The following TET3 variants were observed in gnomAD, a reference collection of about 807,000 sequenced individuals.
The protein encoded by TET3 is methylcytosine dioxygenase TET3.
TET3 carries 19 observed loss-of-function variants against 141.4 expected under a neutral mutation model. The observed-to-expected ratio is 0.13, with a 90% confidence interval of 0.09 to 0.20. The LOEUF is 0.20. TET3 is among the 10% of genes least tolerant of loss of function. The pLI is 1.00. For synonymous variants in TET3, 1,043 were observed against 980.9 expected, an observed-to-expected ratio of 1.06 and a Z score of -1.18; for missense variants, 1,874 against 2,356.9, an observed-to-expected ratio of 0.80 and a Z score of 4.24.
intron 3 of TET3, among the ~76,000 whole-genome samples, chr2:74,020,716 A>G (rs150734048): frequency 1.8e-3 from 269 of 152,332 alleles, no homozygotes; most frequent in Non-Finnish European, 3.0e-3. Flanking sequence ...CTTGAGGGCT[A>G]TGCCCTTGGA....
chr2:74,003,720 T>A (rs964472780), intron 3 of TET3, among the ~76,000 whole-genome samples: 1 of 151,524 alleles, frequency 6.6e-6, no homozygotes, highest in Admixed American at 6.6e-5. Flanking sequence ...TGATGCAACA[T>A]CATGACTGGG....
At chr2:74,122,939 C>T in the TET3 span, 2 of 151,898 alleles carry the variant, frequency 1.3e-5, no homozygotes. Flanking sequence ...AACGATCCAC[C>T]CACCTTGGCC....
intron 5 of TET3, among the ~76,000 whole-genome samples, chr2:74,079,341 G>A (rs1024144414): frequency 2.6e-4 from 39 of 151,876 alleles, no homozygotes; most frequent in Admixed American, 1.2e-3. Context: ...GTGAGACTCC[G>A]TCTCAAAAAG....
chr2:74,025,596 A>G (rs1573721948), intron 3 of TET3, among the ~76,000 whole-genome samples: 2 of 152,172 alleles, frequency 1.3e-5, no homozygotes, highest in Admixed American at 6.5e-5. Context: ...AATCATGTCA[A>G]TAACCACAAA....
the TET3 span, among the ~76,000 whole-genome samples, chr2:74,117,036 G>T: frequency 6.6e-6 from 1 of 152,260 alleles, no homozygotes; most frequent in Non-Finnish European, 1.5e-5. Flanking sequence ...GATGGGCAAG[G>T]GGTATGTGAA....
At position 74,101,060 on chromosome 2, in the gene TET3, G is replaced by A. The variant is rs1558796884; in HGVS notation, c.4272G>A (p.Glu1424=). ...AGATGGGCAAGACACCTCTGTCCGA[G>A]GTGTCTCAGAATGGAGGACCCAGTC... The part of the protein sequence containing the change: ...AGKMGKTPLS[E]VSQNGGPSHL... The change falls in exon 12 of 12, where the codon GAG becomes GAA. Residue 1424 remains glutamate, a synonymous_variant. Coordinates refer to ENST00000409262, the MANE Select transcript of TET3 (RefSeq NM_001287491.2). This position sits in a 1 kb window ranked among gnomAD's most constrained non-coding sequence, Gnocchi z 8.5. 6.2e-7 allele frequency: 1 copy of A among 1,612,922 alleles called. No individual in the cohort carries two copies. Among genetic ancestry groups the A allele is most frequent in the East Asian group, 2.2e-5 (1 of 44,866 alleles).
chr2:74,065,955 C>A (rs1688876440), intron 4 of TET3, among the ~76,000 whole-genome samples: 1 of 152,098 alleles, frequency 6.6e-6, no homozygotes, highest in Non-Finnish European at 1.5e-5. Flanking sequence ...GATGGGGTTT[C>A]ACTGTGGTAG....
In TET3 at chr2:74,015,213, G is replaced by C. The variant is rs116657040; in HGVS notation, c.360+12047G>C. Among the ~76,000 whole-genome samples, 747 of 152,294 alleles carry C rather than the reference G, an allele frequency of 4.9e-3. 3 individuals carry two copies. Among genetic ancestry groups the C allele is most frequent in the African/African-American group, 0.017 (712 of 41,536 alleles). ...GAGAGCCGTGATGGTCAGGAGAAAG[G>C]GATAGGCAGGGAGAGGAAGAAAGGA... is the stretch of plus-strand genomic sequence containing the variant. On this transcript the variant is annotated intron_variant, in intron 3 of 11. Transcript: ENST00000409262.
chr2:74,101,858 G>T lies in TET3; in HGVS notation c.5070G>T (p.Ser1690=). The change falls in exon 12 of 12, where the codon TCG becomes TCT. Residue 1690 remains serine (S), a synonymous_variant. Coordinates refer to ENST00000409262, the MANE Select transcript of TET3 (RefSeq NM_001287491.2). This position sits in a 1 kb window ranked among gnomAD's most constrained non-coding sequence, Gnocchi z 8.5. Reference sequence around the variant, plus strand: ...ACCGCTGCCACCCCACCCGCATCTCGCTGGTCTTCTACCAGCACAAGAACC... The same window carrying T: ...ACCGCTGCCACCCCACCCGCATCTCTCTGGTCTTCTACCAGCACAAGAACC... ...KPNRCHPTRI[S]LVFYQHKNLN... is the part of the protein sequence containing the mutation. 1 of 1,613,144 alleles carries T rather than the reference G, an allele frequency of 6.2e-7. No homozygotes were observed. The highest frequency in any genetic ancestry group is 8.5e-7 in the Non-Finnish European group (1 of 1,179,782).
intron 4 of TET3, among the ~76,000 whole-genome samples, chr2:74,052,654 G>T (rs1033759444): frequency 6.6e-6 from 1 of 151,470 alleles, no homozygotes; most frequent in Non-Finnish European, 1.5e-5. Flanking sequence ...GGCAGATCAT[G>T]AGGTCAGGAA....
At chr2:74,071,117 T>A (rs1343852197) in intron 4 of TET3, among the ~76,000 whole-genome samples, 4 of 152,136 alleles carry the variant, frequency 2.6e-5, no homozygotes, top group Non-Finnish European at 4.4e-5. Context: ...GACAGCCACC[T>A]CCTCGCTATA....
At chr2:74,070,163 G>A (rs768486542) in intron 4 of TET3, among the ~76,000 whole-genome samples, 10 of 152,144 alleles carry the variant, frequency 6.6e-5, no homozygotes, top group Non-Finnish European at 1.3e-4. Flanking sequence ...GTATTCTGCT[G>A]TATTAGTCCA....
At chr2:74,091,768 G>A (rs775630608) in intron 8 of TET3, among the ~76,000 whole-genome samples, 3 of 152,142 alleles carry the variant, frequency 2.0e-5, no homozygotes, top group South Asian at 2.1e-4. Flanking sequence ...GCCTGTGCTC[G>A]TGGTGTCCTA....
At chr2:74,068,344 C>CATGCTG in intron 4 of TET3, among the ~76,000 whole-genome samples, 1 of 151,928 alleles carries the variant, frequency 6.6e-6, no homozygotes, top group East Asian at 1.9e-4. Flanking sequence ...TGTACACGAA[C>CATGCTG]TAGCATCTTA....
the TET3 span, among the ~76,000 whole-genome samples, chr2:74,124,998 C>T: frequency 3.0e-5 from 4 of 131,776 alleles, 1 homozygote; most frequent in East Asian, 1.0e-3. Flanking sequence ...TTTAATACTA[C>T]TCGGAATTTT....
At chr2:74,002,862 G>C in intron 2 of TET3, 1 of 566,420 alleles carries the variant, frequency 1.8e-6, no homozygotes. Context: ...CCGTCCTCTC[G>C]GATCTCGGGG....
intron 6 of TET3, 115 bp downstream of exon 6, chr2:74,080,706 T>TGG (rs1558775928): frequency 2.9e-5 from 5 of 173,652 alleles, no homozygotes; most frequent in African/African-American, 1.7e-4. Flanking sequence ...GGGCGGGGGG[T>TGG]GGGGCCAGGT....
At chr2:73,984,696 C>T (rs1394416639), upstream of TET3, among the ~76,000 whole-genome samples, 1 of 151,744 alleles carries the variant, frequency 6.6e-6, no homozygotes, top group Admixed American at 6.6e-5. This position sits in a 1 kb window ranked among gnomAD's most constrained non-coding sequence, Gnocchi z 5.6. Flanking sequence ...GGGTGGGAGC[C>T]ACTGCAGGTG....
intron 6 of TET3, among the ~76,000 whole-genome samples, chr2:74,084,839 T>TGGG (rs1487263962): frequency 2.0e-5 from 3 of 151,536 alleles, no homozygotes; most frequent in African/African-American, 7.3e-5. Context: ...CTGGAGACAG[T>TGGG]GGGGAGAATT....
Sources: allele counts gnomAD v4.1 joint callset (sites outside exome capture counted in the v4.1 genomes callset), GRCh38; gene constraint gnomAD v4.1.1; non-coding constraint Gnocchi (gnomAD v3.1); transcripts MANE v1.5; gene names NCBI Gene and HGNC (gene_info 2026-07-23, HGNC 2026-07-21).